ATRNL1: variants seen among roughly 807,000 people sequenced by gnomAD.
ATRNL1 encodes the protein attractin like 1, also known as attractin-like protein 1.
Under a neutral mutation model 182.7 loss-of-function variants are expected in ATRNL1, and 95 were observed. That is an observed-to-expected ratio of 0.52 (90% CI 0.44 to 0.62). The LOEUF is 0.62. Ranked by LOEUF, ATRNL1 falls within the 20% of genes least tolerant of loss-of-function variation. The pLI is 0.00. For synonymous variants in ATRNL1, 576 were observed against 568.3 expected, an observed-to-expected ratio of 1.01 and a Z score of -0.19; for missense variants, 1,471 against 1,679.5, an observed-to-expected ratio of 0.88 and a Z score of 2.17.
At chr10:115,383,189 G>T (rs1554951704) in intron 19 of ATRNL1, among the ~76,000 whole-genome samples, 2 of 149,146 alleles carry the variant, frequency 1.3e-5, no homozygotes, top group African/African-American at 4.9e-5. Flanking sequence ...TTTTGTATGT[G>T]AAACCAACTT....
chr10:115,554,909 A>C (rs1809792757), intron 26 of ATRNL1, among the ~76,000 whole-genome samples: 1 of 151,806 alleles, frequency 6.6e-6, no homozygotes, highest in Non-Finnish European at 1.5e-5. Flanking sequence ...CCAGTTACTT[A>C]GACTAAAACA....
At chr10:115,833,530 TAAAC>T (rs782599762) in intron 27 of ATRNL1, among the ~76,000 whole-genome samples, 27 of 152,180 alleles carry the variant, frequency 1.8e-4, no homozygotes, top group Non-Finnish European at 2.8e-4. Context: ...TATGCTATGT[TAAAC>T]AGACCATTAA....
At chr10:115,848,091 G>T in intron 28 of ATRNL1, 100 bp downstream of exon 28, 1 of 698,968 alleles carries the variant, frequency 1.4e-6, no homozygotes. Context: ...ACCTTTGCAA[G>T]GTTCTAATTT....
At chr10:115,369,194 A>G (rs1316629693) in intron 19 of ATRNL1, among the ~76,000 whole-genome samples, 2 of 151,014 alleles carry the variant, frequency 1.3e-5, no homozygotes, top group Non-Finnish European at 2.9e-5. Flanking sequence ...TATATTATAA[A>G]TACTATGTAT....
chr10:115,298,536 C>T (rs1364859816), intron 15 of ATRNL1, among the ~76,000 whole-genome samples: 8 of 152,036 alleles, frequency 5.3e-5, no homozygotes, highest in Admixed American at 5.2e-4. Flanking sequence ...TCATGTGAAA[C>T]ACAGTTGTTA....
chr10:115,695,147 A>G (rs1055636015), intron 26 of ATRNL1, among the ~76,000 whole-genome samples: 8 of 152,156 alleles, frequency 5.3e-5, no homozygotes, highest in Non-Finnish European at 8.8e-5. Flanking sequence ...GAAAAAAAAG[A>G]AAAATTCAAA....
intron 26 of ATRNL1, among the ~76,000 whole-genome samples, chr10:115,653,636 G>A (rs1247300385): frequency 2.6e-5 from 4 of 152,054 alleles, no homozygotes; most frequent in African/African-American, 9.7e-5. Flanking sequence ...TTAACCCTCA[G>A]TCCAGGCTAA....
At chr10:115,184,102 T>C (rs1453639898) in intron 8 of ATRNL1, among the ~76,000 whole-genome samples, 5 of 151,418 alleles carry the variant, frequency 3.3e-5, no homozygotes, top group African/African-American at 1.2e-4. Context: ...TAAGGATGAC[T>C]ATTATGAAAT....
intron 26 of ATRNL1, among the ~76,000 whole-genome samples, chr10:115,662,646 T>C (rs1241991921): frequency 1.3e-5 from 2 of 152,186 alleles, no homozygotes; most frequent in East Asian, 1.9e-4. Context: ...ATCTGATTTA[T>C]GAATTTATAT....
intron 8 of ATRNL1, among the ~76,000 whole-genome samples, chr10:115,211,437 G>T (rs1019178019): frequency 2.6e-5 from 4 of 151,708 alleles, no homozygotes; most frequent in African/African-American, 4.8e-5. Context: ...TAGGTAATTT[G>T]TCATTTCACT....
intron 28 of ATRNL1, among the ~76,000 whole-genome samples, chr10:115,864,030 A>G (rs149873852): frequency 3.0e-3 from 457 of 152,308 alleles, no homozygotes; most frequent in African/African-American, 0.01. Context: ...ACACTGAAAG[A>G]TTGAATAGAT....
At chr10:115,916,081 G>T (rs569434639) in intron 28 of ATRNL1, among the ~76,000 whole-genome samples, 2 of 152,276 alleles carry the variant, frequency 1.3e-5, no homozygotes, top group Admixed American at 6.5e-5. Context: ...TAAAGTATTT[G>T]CAGGCACATA....
In ATRNL1 at chr10:115,789,863, G is replaced by A. The variant is rs1304062571; in HGVS notation, c.3904-58014G>A. ...AGTTTAAATGCTCCAGTACAATTGA[G>A]GATTAAATTCTGGAAAAGGGTATCC... On this transcript the variant is annotated intron_variant, in intron 27 of 28. Coordinates refer to ENST00000355044, the MANE Select transcript of ATRNL1 (RefSeq NM_207303.4). 2.0e-5 allele frequency among the ~76,000 whole-genome samples: 3 copies of A among 152,064 alleles called. No individual in the cohort carries two copies. The East Asian group carries it at 5.8e-4, about 30-fold the overall frequency.
intron 15 of ATRNL1, among the ~76,000 whole-genome samples, chr10:115,297,964 A>G (rs1853289265): frequency 1.3e-5 from 2 of 152,270 alleles, no homozygotes; most frequent in Admixed American, 1.3e-4. Flanking sequence ...TGATGAACTT[A>G]GACTTGATAA....
rs1858011453 is a variant in ATRNL1, at chr10:115,625,160, G to T, written c.3795+75624G>T. ...TATTTGATACTTTACAGTGTTAGTG[G>T]ATGCTGCCTTTAATAAGGAAAATAT... On this transcript the variant is annotated intron_variant, in intron 26 of 28. Coordinates refer to ENST00000355044, the MANE Select transcript of ATRNL1 (RefSeq NM_207303.4). 4.6e-5 allele frequency among the ~76,000 whole-genome samples: 7 copies of T among 152,268 alleles called. No homozygotes were observed. In the South Asian group the frequency reaches 1.5e-3, roughly 32 times the overall value.
chr10:115,933,948 T>C (rs1158608645), intron 28 of ATRNL1, among the ~76,000 whole-genome samples: 1 of 152,156 alleles, frequency 6.6e-6, no homozygotes, highest in Non-Finnish European at 1.5e-5. Context: ...CCACCGAAGA[T>C]TTGCACACAC....
At chr10:115,675,808 C>A (rs1367280741) in intron 26 of ATRNL1, among the ~76,000 whole-genome samples, 1 of 152,158 alleles carries the variant, frequency 6.6e-6, no homozygotes, top group Admixed American at 6.6e-5. Context: ...CAATTTAATT[C>A]TTATAACAAC....
At chr10:115,341,550 C>T (rs541294837) in intron 19 of ATRNL1, among the ~76,000 whole-genome samples, 1 of 152,112 alleles carries the variant, frequency 6.6e-6, no homozygotes, top group Non-Finnish European at 1.5e-5. Flanking sequence ...GATTAAGTCC[C>T]ATGTTTCTTT....
chr10:115,349,794 G>GTAT (rs1332467786), intron 19 of ATRNL1, among the ~76,000 whole-genome samples: 13 of 151,832 alleles, frequency 8.6e-5, no homozygotes, highest in African/African-American at 1.9e-4. Flanking sequence ...ATTTTTAATT[G>GTAT]TATTATTATT....
Sources: gnomAD v4.1 joint callset for allele counts (sites outside exome capture counted in the v4.1 genomes callset) on GRCh38, gnomAD v4.1.1 for gene constraint, MANE v1.5 for transcripts, NCBI Gene and HGNC (gene_info 2026-07-23, HGNC 2026-07-21) for gene names.